Variants in TMEM17 observed in about 807,000 individuals in gnomAD.
TMEM17 encodes the protein transmembrane protein 17.
TMEM17 carries 15 observed loss-of-function variants against 19.1 expected under a neutral mutation model. The ratio of observed to expected loss-of-function variants is 0.78; its 90% CI spans 0.52 to 1.21. The LOEUF (loss-of-function observed/expected upper bound fraction) is 1.21. Among genes scored for constraint, TMEM17 ranks in the 50% most tolerant of loss-of-function variants. TMEM17 has a pLI of 0.00. For synonymous variants in TMEM17, 103 were observed against 86.9 expected (o/e 1.19, Z -1.03); for missense variants, 245 against 242.3 (o/e 1.01, Z -0.07).
At chr2:62,477,391 C>T in the TMEM17 span, among the ~76,000 whole-genome samples, 177 of 66,284 alleles carry the variant, frequency 2.7e-3, no homozygotes, top group Non-Finnish European at 3.8e-3. Flanking sequence ...AGCGAGACTC[C>T]GTCTCAAAAC....
downstream of TMEM17, among the ~76,000 whole-genome samples, chr2:62,496,691 A>T (rs1310415880): frequency 6.6e-6 from 1 of 152,232 alleles, no homozygotes; most frequent in Admixed American, 6.5e-5. Flanking sequence ...AAATCTTGTG[A>T]TCCTATTCCT....
rs778009254 is a variant in TMEM17 at position 62,502,768 on chromosome 2, G to T, written c.127C>A (p.Leu43Met). 32 of 1,607,190 alleles carry T rather than the reference G, an allele frequency of 2.0e-5. No individual in the cohort carries two copies. The South Asian group carries it at 3.6e-4, about 18-fold the overall frequency. ...GTATTAAAATAAAGTGACATCTGCA[G>T]TGCCAAACTGGAGACCATTTCATTT... ...PENEMVSSLA[L>M]QMSLYFNTYY... is the part of the protein sequence containing the mutation. The change falls in exon 2 of 4, where the codon CTG becomes ATG. Residue 43 changes from leucine to methionine, a missense_variant. Coordinates refer to ENST00000335390, the MANE Select transcript of TMEM17 (RefSeq NM_198276.3).
At chr2:62,458,148 G>C in the TMEM17 span, among the ~76,000 whole-genome samples, 18 of 152,220 alleles carry the variant, frequency 1.2e-4, no homozygotes, top group African/African-American at 2.9e-4. Context: ...GAATCACTCA[G>C]CAAATTCTTG....
chr2:62,506,045 A>T lies in TMEM17; in HGVS notation c.85T>A (p.Ser29Thr), dbSNP rs1680063764. ...FSDSNRTGPESNEGPENEMVS... is the reference protein window; with the variant it reads ...FSDSNRTGPETNEGPENEMVS... Reference sequence around the variant, plus strand: ...GGTCACTCACCCGGACCCTCATTGGACTCTGGACCGGTCCGATTGGAATCA... The same window carrying T: ...GGTCACTCACCCGGACCCTCATTGGTCTCTGGACCGGTCCGATTGGAATCA... Residue 29 changes from serine to threonine, a missense_variant, in exon 1 of 4, where the codon TCC (serine) becomes ACC (threonine). By Grantham distance (58) the Ser-to-Thr change is moderately conservative (BLOSUM62 1). Coordinates refer to ENST00000335390, the MANE Select transcript of TMEM17 (RefSeq NM_198276.3). 3 of 1,610,060 alleles carry T rather than the reference A, an allele frequency of 1.9e-6. No homozygotes were observed. Among genetic ancestry groups the T allele is most frequent in the Non-Finnish European group, 2.5e-6 (3 of 1,178,468 alleles).
chr2:62,490,841 C>T, the TMEM17 span, among the ~76,000 whole-genome samples: 1 of 152,046 alleles, frequency 6.6e-6, no homozygotes, highest in Non-Finnish European at 1.5e-5. Flanking sequence ...CTTTGGGAGG[C>T]CAAGATGGGC....
Position 62,502,705 on chromosome 2 carries a change from T to C in TMEM17, c.190A>G (p.Met64Val), listed in dbSNP as rs976154871. The C allele has an allele frequency of 1.2e-6, 2 of 1,605,226 alleles. No individual in the cohort carries two copies. The highest frequency in any genetic ancestry group is 2.7e-5 in the African/African-American group (2 of 74,464). ...FPLWWVSSIM[M>V]LHMKYSILPD... ...CTTAGATTTACCTTCATGTGAAGCA[T>C]CATAATGCTGCTCACCCACCACAGT... Residue 64 changes from methionine (M) to valine (V), a missense_variant, in exon 2 of 4, where the codon ATG becomes GTG. Met to Val is a conservative substitution (Grantham distance 21, BLOSUM62 1). Coordinates refer to ENST00000335390, the MANE Select transcript of TMEM17 (RefSeq NM_198276.3).
chr2:62,459,538 G>A, the TMEM17 span, among the ~76,000 whole-genome samples: 3 of 152,178 alleles, frequency 2.0e-5, no homozygotes, highest in Non-Finnish European at 4.4e-5. Context: ...GTCACAACAA[G>A]GGATTTTACA....
chr2:62,480,866 G>A, the TMEM17 span, among the ~76,000 whole-genome samples: 1 of 152,078 alleles, frequency 6.6e-6, no homozygotes, highest in Non-Finnish European at 1.5e-5. Context: ...TCTTTTTGTT[G>A]AGGATTACTT....
the TMEM17 span, among the ~76,000 whole-genome samples, chr2:62,475,107 T>TGCTGCAGGAGAA: frequency 1.3e-5 from 2 of 152,156 alleles, no homozygotes; most frequent in Non-Finnish European, 2.9e-5. Flanking sequence ...GGGTTTAGGA[T>TGCTGCAGGAGAA]GCTGCAGGAG....
the TMEM17 span, among the ~76,000 whole-genome samples, chr2:62,490,783 T>C: frequency 6.6e-6 from 1 of 151,770 alleles, no homozygotes; most frequent in Non-Finnish European, 1.5e-5. Context: ...TGGTATAGAG[T>C]GAGCAGAGAT....
rs545088103 is a variant in TMEM17 at position 62,502,359 on chromosome 2, C to A, written c.318+78G>T. 2.0e-5 allele frequency: 19 copies of A among 957,180 alleles called. No individual in the cohort carries two copies. In the Admixed American group the frequency reaches 3.9e-4, roughly 20 times the overall value. The allele number at this position is 957,180 out of a possible 1,614,324, so 59.3% of individuals were successfully genotyped here. A position where few individuals can be genotyped will look rare whatever the true frequency, so the allele number is the denominator to read the frequency against. ...ATTCAGGCCTGTGCTCTTTCTGCCA[C>A]ACCTCACTGCCTTTTACTTGTTATG... On this transcript the variant is annotated intron_variant, in intron 3 of 3. Coordinates refer to ENST00000335390, the MANE Select transcript of TMEM17 (RefSeq NM_198276.3).
chr2:62,500,762 G>A lies in TMEM17; in HGVS notation c.*447C>T, dbSNP rs1285243341. The A allele has an allele frequency of 6.5e-6, 1 of 153,630 alleles. No individual in the cohort carries two copies. Among genetic ancestry groups the A allele is most frequent in the African/African-American group, 2.4e-5 (1 of 41,402 alleles). 9.5% of individuals were successfully genotyped at this position (153,630 alleles called of 1,614,324 possible). A position where few individuals can be genotyped will look rare whatever the true frequency, so the allele number is the denominator to read the frequency against. ...GCCACCACACCCAGCCGGTCTCTTGGTTTACAAATATAGACAAATACATAG... is the reference window on the plus strand; with the variant it reads ...GCCACCACACCCAGCCGGTCTCTTGATTTACAAATATAGACAAATACATAG... On this transcript the variant is annotated 3_prime_UTR_variant, in exon 4 of 4. Transcript: ENST00000335390.
the TMEM17 span, among the ~76,000 whole-genome samples, chr2:62,488,742 G>C: frequency 6.7e-6 from 1 of 149,498 alleles, no homozygotes; most frequent in Admixed American, 6.7e-5. Flanking sequence ...GGATTTAAAA[G>C]GTTTACACTG....
chr2:62,473,434 C>T, the TMEM17 span, among the ~76,000 whole-genome samples: 5 of 152,028 alleles, frequency 3.3e-5, no homozygotes, highest in African/African-American at 1.2e-4. Flanking sequence ...CAGAGATGGC[C>T]CCTTGGAAGT....
chr2:62,485,193 G>A, the TMEM17 span, among the ~76,000 whole-genome samples: 1 of 152,332 alleles, frequency 6.6e-6, no homozygotes, highest in African/African-American at 2.4e-5. Flanking sequence ...TCCTGCCTTG[G>A]CCTCCCAAAG....
chr2:62,505,842 G>T (rs1226490679), intron 1 of TMEM17, among the ~76,000 whole-genome samples, 188 bp downstream of exon 1: 1 of 152,224 alleles, frequency 6.6e-6, no homozygotes, highest in South Asian at 2.1e-4. Flanking sequence ...CCCGGCCGGG[G>T]GCGGGAGGCC....
Position 62,506,010 on chromosome 2 carries a change from A to G in TMEM17, c.100+20T>C. 6.3e-7 allele frequency: 1 copy of G among 1,598,066 alleles called. No homozygotes were observed. Among genetic ancestry groups the G allele is most frequent in the Non-Finnish European group, 8.5e-7 (1 of 1,171,246 alleles). On this transcript the variant is annotated intron_variant, in intron 1 of 3. Coordinates refer to ENST00000335390, the MANE Select transcript of TMEM17 (RefSeq NM_198276.3). ...GCCCTCGGCAGGCCACACCCCCTGC[A>G]CCGGGCCTCGGTCACTCACCCGGAC...
the TMEM17 span, among the ~76,000 whole-genome samples, chr2:62,459,524 G>A: frequency 7.2e-5 from 11 of 152,262 alleles, no homozygotes; most frequent in East Asian, 7.7e-4. Flanking sequence ...TCACTTTCCC[G>A]GCTGTCACAA....
downstream of TMEM17, among the ~76,000 whole-genome samples, chr2:62,498,821 T>G (rs1450677875): frequency 1.3e-5 from 2 of 152,018 alleles, no homozygotes; most frequent in African/African-American, 4.8e-5. Context: ...AATTAAAAAA[T>G]TTTCAGTACA....
Sources: gnomAD v4.1 joint callset for allele counts (sites outside exome capture counted in the v4.1 genomes callset) on GRCh38, gnomAD v4.1.1 for gene constraint, MANE v1.5 for transcripts, NCBI Gene and HGNC (gene_info 2026-07-23, HGNC 2026-07-21) for gene names.